COLEC11: variants seen among roughly 807,000 people sequenced by gnomAD.
The protein encoded by COLEC11 is collectin-11.
A neutral mutation model predicts 27.3 loss-of-function variants in COLEC11; 20 were observed. That is an observed-to-expected ratio of 0.73 (90% CI 0.51 to 1.06). COLEC11 has a LOEUF of 1.06. COLEC11 is among the 50% of genes least tolerant of loss of function. The probability of loss-of-function intolerance (pLI) is 0.00; values close to 1 mark genes in which losing one functional copy is unlikely to be tolerated. For missense variants in COLEC11, 310 were observed against 383.0 expected, an observed-to-expected ratio of 0.81 and a Z score of 1.59; for synonymous variants, 163 against 154.7, an observed-to-expected ratio of 1.05 and a Z score of -0.40.
At chr2:3,606,267 G>T in intron 2 of COLEC11, 1 of 1,542,756 alleles carries the variant, frequency 6.5e-7, no homozygotes. Context: ...ACTGGTGGGG[G>T]CCGTGGGGTG....
intron 2 of COLEC11, among the ~76,000 whole-genome samples, chr2:3,607,250 A>T (rs983447915): frequency 6.6e-6 from 1 of 152,140 alleles, no homozygotes; most frequent in South Asian, 2.1e-4. Flanking sequence ...TATTATCTTT[A>T]CATTTAGAGG....
chr2:3,607,763 T>A (rs4850066), intron 2 of COLEC11, among the ~76,000 whole-genome samples: 112,039 of 151,806 alleles, frequency 0.74, 41,456 homozygotes, highest in South Asian at 0.89. Flanking sequence ...AAATTAATTT[T>A]AAAATCATTT....
chr2:3,636,196 G>GAT lies in COLEC11; in HGVS notation c.203-1337_203-1336insAT, dbSNP rs1438050183. 2.0e-5 allele frequency among the ~76,000 whole-genome samples: 3 copies of GAT among 152,178 alleles called. No homozygotes were observed. The South Asian group carries it at 6.2e-4, about 32-fold the overall frequency. ...ACCACCGCCGGGCGCAGTGGCTCAC[G>GAT]CCGTAATCCCAGCACTTTGGGAGGC... On this transcript the variant is annotated intron_variant, in intron 3 of 6. Transcript: ENST00000349077.
At chr2:3,627,557 CATG>C (rs2147927467) in intron 3 of COLEC11, among the ~76,000 whole-genome samples, 1 of 149,220 alleles carries the variant, frequency 6.7e-6, no homozygotes, top group South Asian at 2.2e-4. Flanking sequence ...TGACACTGGG[CATG>C]ATGACGGTCT....
rs750680074 is a variant in COLEC11, at chr2:3,644,195, G to A, written c.*77G>A. 2 of 1,571,472 alleles carry A rather than the reference G, an allele frequency of 1.3e-6. No individual in the cohort carries two copies. Among genetic ancestry groups the A allele is most frequent in the Non-Finnish European group, 1.7e-6 (2 of 1,156,316 alleles). ...GCAGGGACAGAGCCCAGACCATGGT[G>A]CCAGCCAGGGAGCTGTCCCTCTGTG... On this transcript the variant is annotated 3_prime_UTR_variant, in exon 7 of 7. Transcript: ENST00000349077.
chr2:3,616,165 G>A lies in COLEC11; in HGVS notation c.202+2783G>A, dbSNP rs182510860. 7.1e-3 allele frequency among the ~76,000 whole-genome samples: 1,075 copies of A among 150,616 alleles called. 21 individuals carry two copies. Among genetic ancestry groups the A allele is most frequent in the African/African-American group, 0.025 (1,015 of 40,434 alleles). On this transcript the variant is annotated intron_variant, in intron 3 of 6. Coordinates refer to ENST00000349077, the MANE Select transcript of COLEC11 (RefSeq NM_024027.5). ...GCGCTCCTCACATCCCAGACAGGGC[G>A]GCGGGGCAGAGGCGCTCCCCACATC...
In COLEC11 at chr2:3,602,614, C is replaced by T. The variant is rs1158247705; in HGVS notation, c.-26-1701C>T. Among the ~76,000 whole-genome samples, 1 of 152,146 alleles carries T rather than the reference C, an allele frequency of 6.6e-6. No homozygotes were observed. The highest frequency in any genetic ancestry group is 1.5e-5 in the Non-Finnish European group (1 of 68,028). ...GGTCTCCTTGCTTCCGTTGCTGTTCCCCTAAGTCCCGTCTCAAGAGCAGGG... is the reference window on the plus strand; with the variant it reads ...GGTCTCCTTGCTTCCGTTGCTGTTCTCCTAAGTCCCGTCTCAAGAGCAGGG... On this transcript the variant is annotated intron_variant, in intron 1 of 6. Coordinates refer to ENST00000349077, the MANE Select transcript of COLEC11 (RefSeq NM_024027.5). The surrounding 1 kb of genome is among the most constrained non-coding windows in gnomAD (Gnocchi z 6.2).
At chr2:3,617,387 C>T (rs925461584) in intron 3 of COLEC11, among the ~76,000 whole-genome samples, 16 of 152,278 alleles carry the variant, frequency 1.1e-4, no homozygotes, top group South Asian at 8.3e-4. Context: ...GAGACAGGCG[C>T]GGCCTTCGTT....
chr2:3,640,061 G>A (rs949979972), intron 4 of COLEC11, among the ~76,000 whole-genome samples: 1 of 152,162 alleles, frequency 6.6e-6, no homozygotes, highest in Non-Finnish European at 1.5e-5. Flanking sequence ...ATGATCACTC[G>A]ATAATCCCTG....
At chr2:3,626,938 C>T (rs1307617338) in intron 3 of COLEC11, among the ~76,000 whole-genome samples, 2 of 152,180 alleles carry the variant, frequency 1.3e-5, no homozygotes, top group Non-Finnish European at 2.9e-5. Context: ...ACCCTCCACA[C>T]CCTCCCTGGA....
At chr2:3,599,443 A>C (rs1190603292) in intron 1 of COLEC11, among the ~76,000 whole-genome samples, 1 of 152,208 alleles carries the variant, frequency 6.6e-6, no homozygotes, top group Non-Finnish European at 1.5e-5. Flanking sequence ...CCTGGCTTCT[A>C]GCCCTTTCCC....
chr2:3,634,869 C>G (rs1665269865), intron 3 of COLEC11, among the ~76,000 whole-genome samples: 1 of 151,822 alleles, frequency 6.6e-6, no homozygotes, highest in South Asian at 2.1e-4. Context: ...GGCTGTCCAC[C>G]TGGTCCCGGC....
chr2:3,623,531 G>A (rs1212584111), intron 3 of COLEC11, among the ~76,000 whole-genome samples: 2 of 151,406 alleles, frequency 1.3e-5, no homozygotes, highest in African/African-American at 4.9e-5. Flanking sequence ...TAAATGACCT[G>A]TCATCAAGCT....
At chr2:3,601,735 G>A (rs1662241577) in intron 1 of COLEC11, among the ~76,000 whole-genome samples, 2 of 152,152 alleles carry the variant, frequency 1.3e-5, no homozygotes, top group South Asian at 4.1e-4. Flanking sequence ...CCACGCGCGT[G>A]CCCAAGCCCT....
chr2:3,632,898 A>C (rs1665120920), intron 3 of COLEC11, among the ~76,000 whole-genome samples: 1 of 51,196 alleles, frequency 2.0e-5, no homozygotes, highest in Non-Finnish European at 3.8e-5. Flanking sequence ...GAAAAAGCAC[A>C]AACACCACGG....
intron 1 of COLEC11, among the ~76,000 whole-genome samples, chr2:3,597,069 A>G (rs1661884107): frequency 1.3e-5 from 2 of 152,262 alleles, no homozygotes; most frequent in Non-Finnish European, 2.9e-5. Flanking sequence ...GGAGCGAGTG[A>G]AGGCATGAGA....
At chr2:3,636,850 G>A (rs972939745) in intron 3 of COLEC11, among the ~76,000 whole-genome samples, 1 of 152,106 alleles carries the variant, frequency 6.6e-6, no homozygotes, top group Non-Finnish European at 1.5e-5. Flanking sequence ...CAATCCCGTG[G>A]GATCTTGGTG....
intron 4 of COLEC11, among the ~76,000 whole-genome samples, chr2:3,638,848 T>G (rs2147959050): frequency 6.6e-6 from 1 of 152,350 alleles, no homozygotes; most frequent in Middle Eastern, 3.4e-3. Context: ...ATTTTAAGTA[T>G]TTTAAGTGTA....
At chr2:3,642,483 T>G (rs1256349366) in intron 5 of COLEC11, among the ~76,000 whole-genome samples, 1 of 152,172 alleles carries the variant, frequency 6.6e-6, no homozygotes, top group Non-Finnish European at 1.5e-5. Context: ...CTCACTCTTG[T>G]GTGTCAGGAC....
Sources: allele counts gnomAD v4.1 joint callset (sites outside exome capture counted in the v4.1 genomes callset), GRCh38; gene constraint gnomAD v4.1.1; non-coding constraint Gnocchi (gnomAD v3.1); transcripts MANE v1.5; gene names NCBI Gene and HGNC (gene_info 2026-07-23, HGNC 2026-07-21).